PDE1C: variants seen among roughly 807,000 people sequenced by gnomAD.
The protein encoded by PDE1C is phosphodiesterase 1C.
In PDE1C, 62 loss-of-function variants were observed where a neutral mutation model predicts 93.1. That is an observed-to-expected ratio of 0.67 (90% CI 0.54 to 0.82). The LOEUF is 0.82. Ranked by LOEUF, PDE1C falls within the 40% of genes least tolerant of loss-of-function variation. The probability of loss-of-function intolerance (pLI) is 0.00; values close to 1 mark genes in which losing one functional copy is unlikely to be tolerated. For synonymous variants in PDE1C, 325 were observed against 310.1 expected, an observed-to-expected ratio of 1.05 and a Z score of -0.50; for missense variants, 742 against 884.6, an observed-to-expected ratio of 0.84 and a Z score of 2.04.
chr7:31,914,381 TG>T (rs1801622747), intron 2 of PDE1C, among the ~76,000 whole-genome samples: 1 of 152,210 alleles, frequency 6.6e-6, no homozygotes, highest in Admixed American at 6.6e-5. Context: ...AAGAACTTAG[TG>T]ATTCTACATC....
intron 2 of PDE1C, among the ~76,000 whole-genome samples, chr7:31,989,037 G>A (rs1783804501): frequency 7.9e-5 from 10 of 126,750 alleles, no homozygotes; most frequent in South Asian, 2.7e-4. Context: ...GAGAAAGAGA[G>A]AAAGGAAAGA....
upstream of PDE1C, among the ~76,000 whole-genome samples, chr7:32,076,114 T>G (rs566463619): frequency 6.4e-4 from 98 of 152,226 alleles, 1 homozygote; most frequent in South Asian, 0.019. Flanking sequence ...TTGACTATAA[T>G]AGACATAACC....
the PDE1C span, among the ~76,000 whole-genome samples, chr7:31,638,137 G>T: frequency 4.6e-5 from 7 of 152,302 alleles, no homozygotes; most frequent in African/African-American, 1.4e-4. Flanking sequence ...CTTTTGAAAG[G>T]TTACTGCAAG....
chr7:31,746,885 G>A (rs1319132456), downstream of PDE1C, among the ~76,000 whole-genome samples: 1 of 152,182 alleles, frequency 6.6e-6, no homozygotes, highest in Non-Finnish European at 1.5e-5. Flanking sequence ...GATGAGAGGT[G>A]GGGAAGATGC....
chr7:32,025,246 A>T (rs111391637), intron 2 of PDE1C, among the ~76,000 whole-genome samples: 2 of 152,218 alleles, frequency 1.3e-5, no homozygotes, highest in African/African-American at 4.8e-5. Context: ...TATAATTTAC[A>T]TTAATTTGTT....
intron 2 of PDE1C, among the ~76,000 whole-genome samples, chr7:32,178,709 T>C (rs1803171661): frequency 6.6e-6 from 1 of 152,108 alleles, no homozygotes; most frequent in Non-Finnish European, 1.5e-5. Flanking sequence ...TGTTCCTGAC[T>C]CTCATTCAAT....
intron 1 of PDE1C, among the ~76,000 whole-genome samples, chr7:32,420,834 A>C (rs1785417525): frequency 6.6e-6 from 1 of 152,124 alleles, no homozygotes; most frequent in African/African-American, 2.4e-5. Flanking sequence ...TTTGCTCATT[A>C]GCTTCAATTG....
chr7:32,343,032 C>T (rs1783787796), intron 1 of PDE1C, among the ~76,000 whole-genome samples: 1 of 152,154 alleles, frequency 6.6e-6, no homozygotes, highest in Admixed American at 6.5e-5. Context: ...AGAAGGGCTC[C>T]TGTGAAATAG....
intron 1 of PDE1C, among the ~76,000 whole-genome samples, chr7:32,279,591 CTAT>C (rs1227694987): frequency 1.3e-5 from 2 of 151,718 alleles, no homozygotes; most frequent in African/African-American, 2.4e-5. Flanking sequence ...TAAATATGTA[CTAT>C]TATTTGTCAA....
At chr7:32,071,479 C>T, upstream of PDE1C, 1 of 886,084 alleles carries the variant, frequency 1.1e-6, no homozygotes, top group South Asian at 5.1e-5. Flanking sequence ...CCCTCATTCC[C>T]TCCCTCCCTC....
chr7:31,904,033 A>C lies in PDE1C; in HGVS notation c.129-23173T>G, dbSNP rs1800291424. Among the ~76,000 whole-genome samples, 2 of 152,180 alleles carry C rather than the reference A, an allele frequency of 1.3e-5. 1 individual carries two copies. The highest frequency in any genetic ancestry group is 4.8e-5 in the African/African-American group (2 of 41,440). ...TTTATACAAATGTATGTCATTTATA[A>C]TTGCACATATGTATGTAGAACAGTG... is the stretch of plus-strand genomic sequence containing the variant. On this transcript the variant is annotated intron_variant, in intron 2 of 17. Coordinates refer to ENST00000396191, the MANE Select transcript of PDE1C (RefSeq NM_001191057.4).
intron 1 of PDE1C, among the ~76,000 whole-genome samples, chr7:32,253,752 T>C (rs958388924): frequency 3.3e-5 from 5 of 152,188 alleles, no homozygotes; most frequent in African/African-American, 1.2e-4. Flanking sequence ...AGGGCGCTGC[T>C]GCACAACAAA....
At chr7:31,999,860 A>G (rs1431013574) in intron 2 of PDE1C, among the ~76,000 whole-genome samples, 1 of 152,210 alleles carries the variant, frequency 6.6e-6, no homozygotes, top group East Asian at 1.9e-4. Context: ...ACAGCTGAGC[A>G]TGGCTGTTGC....
At chr7:32,002,182 T>C (rs748323471) in intron 2 of PDE1C, among the ~76,000 whole-genome samples, 1 of 152,196 alleles carries the variant, frequency 6.6e-6, no homozygotes, top group African/African-American at 2.4e-5. Context: ...CACTATTTCA[T>C]TGTACACATA....
intron 1 of PDE1C, among the ~76,000 whole-genome samples, chr7:32,319,105 C>T (rs866364682): frequency 3.9e-5 from 6 of 152,214 alleles, no homozygotes; most frequent in Admixed American, 1.3e-4. Flanking sequence ...CGCCGTCACC[C>T]GGGAGCTGCA....
the PDE1C span, among the ~76,000 whole-genome samples, chr7:31,670,802 AC>A: frequency 6.6e-6 from 1 of 151,980 alleles, no homozygotes; most frequent in African/African-American, 2.4e-5. Context: ...TTCCAAAACC[AC>A]CCATGGCCCA....
chr7:32,048,994 C>T (rs1792987466), intron 2 of PDE1C, among the ~76,000 whole-genome samples: 3 of 152,172 alleles, frequency 2.0e-5, no homozygotes, highest in Admixed American at 2.0e-4. Context: ...GTTTGAGCAG[C>T]TCTCTTGTAA....
At chr7:31,836,333 C>G (rs578242365) in intron 11 of PDE1C, among the ~76,000 whole-genome samples, 1 of 141,842 alleles carries the variant, frequency 7.1e-6, no homozygotes, top group South Asian at 2.3e-4. Context: ...AAGATCCTGC[C>G]TGTTCTTTTT....
At chr7:32,090,299 G>A (rs953803681) in intron 3 of PDE1C, among the ~76,000 whole-genome samples, 1 of 152,168 alleles carries the variant, frequency 6.6e-6, no homozygotes, top group Non-Finnish European at 1.5e-5. Flanking sequence ...TCTGTGATCT[G>A]TACTCACCCT....
Sources: gnomAD v4.1 joint callset for allele counts (sites outside exome capture counted in the v4.1 genomes callset) on GRCh38, gnomAD v4.1.1 for gene constraint, MANE v1.5 for transcripts, NCBI Gene and HGNC (gene_info 2026-07-23, HGNC 2026-07-21) for gene names.